UNC5C: variants seen among roughly 807,000 people sequenced by gnomAD.
UNC5C encodes netrin receptor UNC5C.
A neutral mutation model predicts 99.8 loss-of-function variants in UNC5C; 47 were observed. The ratio of observed to expected loss-of-function variants is 0.47; its 90% CI spans 0.37 to 0.60. The LOEUF (loss-of-function observed/expected upper bound fraction) is 0.60. Ranked by LOEUF, UNC5C falls within the 20% of genes least tolerant of loss-of-function variation. The probability of loss-of-function intolerance (pLI) is 0.00; values close to 1 mark genes in which losing one functional copy is unlikely to be tolerated. For synonymous variants in UNC5C, 487 were observed against 452.2 expected (o/e 1.08, Z -0.98); for missense variants, 1,062 against 1,165.9 (o/e 0.91, Z 1.30).
intron 1 of UNC5C, among the ~76,000 whole-genome samples, chr4:95,448,226 G>GAGAGAGAGAGAGAGAGAGAGAGAC: frequency 1.6e-5 from 2 of 124,964 alleles, no homozygotes; most frequent in African/African-American, 5.9e-5. Context: ...GTGTGTGTGT[G>GAGAGAGAGAGAGAGAGAGAGAGAC]TGAGAGAGAG....
At position 95,480,273 on chromosome 4, in the gene UNC5C, A is replaced by G. The variant is rs554504559; in HGVS notation, c.124+68461T>C. ...TGCATATATATTTATAATCATATAC[A>G]TATATGTGTTTGTGTGTGTATATAT... On this transcript the variant is annotated intron_variant, in intron 1 of 15. Transcript: ENST00000453304. Among the ~76,000 whole-genome samples, 127 of 148,872 alleles carry G rather than the reference A, an allele frequency of 8.5e-4. 2 individuals carry two copies. Among genetic ancestry groups the G allele is most frequent in the African/African-American group, 3.1e-3 (123 of 39,790 alleles).
At chr4:95,371,017 T>C (rs1744732196) in intron 1 of UNC5C, among the ~76,000 whole-genome samples, 1 of 152,188 alleles carries the variant, frequency 6.6e-6, no homozygotes, top group Non-Finnish European at 1.5e-5. Context: ...TTTAGGTTTA[T>C]TTATCTATTC....
rs191291895 is a variant in UNC5C, at chr4:95,234,315, G to A, written c.1108+8114C>T. Among the ~76,000 whole-genome samples, 583 of 151,516 alleles carry A rather than the reference G, an allele frequency of 3.8e-3. 1 individual carries two copies. The highest frequency in any genetic ancestry group is 6.7e-3 in the Non-Finnish European group (458 of 67,936). ...AACTGATATTTGTTATTAATGTTAA[G>A]TTTTTTTAGATCAGACATATATTTT... On this transcript the variant is annotated intron_variant, in intron 7 of 15. Transcript: ENST00000453304.
intron 2 of UNC5C, among the ~76,000 whole-genome samples, chr4:95,314,586 T>C (rs2149409782): frequency 6.6e-6 from 1 of 152,306 alleles, no homozygotes; most frequent in East Asian, 1.9e-4. Flanking sequence ...TTCTGACTAA[T>C]TTTGGACAGA....
At chr4:95,446,213 T>C (rs1207597584) in intron 1 of UNC5C, among the ~76,000 whole-genome samples, 3 of 151,592 alleles carry the variant, frequency 2.0e-5, no homozygotes, top group Non-Finnish European at 4.4e-5. Flanking sequence ...CATAGCAAGA[T>C]GTAGCCAGAG....
At chr4:95,250,028 G>A (rs75831158) in intron 5 of UNC5C, among the ~76,000 whole-genome samples, 10,075 of 152,254 alleles carry the variant, frequency 0.066, 432 homozygotes, top group Middle Eastern at 0.2. Context: ...TCTAGATCTT[G>A]GTGGTGCAGG....
rs925987104 is a variant in UNC5C at position 95,548,888 on chromosome 4, G to A, written c.-31C>T. 1 of 1,610,342 alleles carries A rather than the reference G, an allele frequency of 6.2e-7. No individual in the cohort carries two copies. Among genetic ancestry groups the A allele is most frequent in the Non-Finnish European group, 8.5e-7 (1 of 1,178,644 alleles). The stretch of plus-strand genomic sequence containing the variant: ...ACAGAGGTGTGCCGGGGGGAGGGGA[G>A]GGGGACAGAGAGACGCGCAAACAGC... On this transcript the variant is annotated 5_prime_UTR_variant, in exon 1 of 16. Coordinates refer to ENST00000453304, the MANE Select transcript of UNC5C (RefSeq NM_003728.4).
At chr4:95,537,733 CA>C (rs1045121800) in intron 1 of UNC5C, among the ~76,000 whole-genome samples, 2 of 152,144 alleles carry the variant, frequency 1.3e-5, no homozygotes, top group Admixed American at 6.5e-5. Flanking sequence ...ATACTACTTT[CA>C]AAAGGATTAT....
intron 2 of UNC5C, among the ~76,000 whole-genome samples, chr4:95,317,559 T>A (rs1742524195): frequency 6.6e-6 from 1 of 152,106 alleles, no homozygotes; most frequent in South Asian, 2.1e-4. Context: ...ATGAGAAACG[T>A]GGCAATGAGA....
intron 10 of UNC5C, among the ~76,000 whole-genome samples, chr4:95,211,866 G>A (rs1348389232): frequency 6.6e-6 from 1 of 152,014 alleles, no homozygotes; most frequent in Non-Finnish European, 1.5e-5. Context: ...AATGAACATT[G>A]TCAAGAACAG....
chr4:95,388,706 T>C (rs1745276508), intron 1 of UNC5C, among the ~76,000 whole-genome samples: 1 of 152,228 alleles, frequency 6.6e-6, no homozygotes, highest in African/African-American at 2.4e-5. Context: ...TATTATCATT[T>C]AATTCTCCAA....
chr4:95,466,600 T>G (rs1311412080), intron 1 of UNC5C, among the ~76,000 whole-genome samples: 2 of 152,026 alleles, frequency 1.3e-5, no homozygotes, highest in Non-Finnish European at 2.9e-5. Flanking sequence ...ATTAATTAAT[T>G]AATGCTATAG....
intron 7 of UNC5C, among the ~76,000 whole-genome samples, chr4:95,231,766 G>C (rs180688426): frequency 3.9e-5 from 6 of 152,234 alleles, no homozygotes; most frequent in Non-Finnish European, 2.9e-5. Context: ...GATGTCAAAG[G>C]TCAGGTCTGT....
In UNC5C at chr4:95,248,922, A is replaced by G. The variant is rs1191807317; in HGVS notation, c.775+1565T>C. ...TCCTCTGCCTTCCCATTCACTCACT[A>G]CTCCCTCATTGACTCACCCAGAGCA... is the stretch of plus-strand genomic sequence containing the variant. On this transcript the variant is annotated intron_variant, in intron 5 of 15. Coordinates refer to ENST00000453304, the MANE Select transcript of UNC5C (RefSeq NM_003728.4). Among the ~76,000 whole-genome samples, 3 of 151,276 alleles carry G rather than the reference A, an allele frequency of 2.0e-5. No individual in the cohort carries two copies. The East Asian group carries it at 5.8e-4, about 29-fold the overall frequency.
At chr4:95,358,706 C>G (rs569098494) in intron 1 of UNC5C, among the ~76,000 whole-genome samples, 110 of 152,162 alleles carry the variant, frequency 7.2e-4, no homozygotes, top group Non-Finnish European at 1.3e-3. Flanking sequence ...CTGGACAAGT[C>G]TTTGGTGAAA....
rs114096188 is a variant in UNC5C at position 95,249,527 on chromosome 4, G to A, written c.775+960C>T. Among the ~76,000 whole-genome samples the A allele has an allele frequency of 6.0e-3, 919 of 152,300 alleles. 12 individuals are homozygous for A. The highest frequency in any genetic ancestry group is 0.021 in the African/African-American group (872 of 41,560). On this transcript the variant is annotated intron_variant, in intron 5 of 15. Transcript: ENST00000453304. ...AACTATTAGAGGTCTAACATTGTGAGAAATATGTAAATATATAGACCAGTC... is the reference window on the plus strand; with the variant it reads ...AACTATTAGAGGTCTAACATTGTGAAAAATATGTAAATATATAGACCAGTC...
At position 95,503,232 on chromosome 4, in the gene UNC5C, CAT is replaced by C. The variant is rs1462734822; in HGVS notation, c.124+45500_124+45501del. Among the ~76,000 whole-genome samples the C allele has an allele frequency of 2.6e-5, 4 of 152,036 alleles. No individual in the cohort carries two copies. In the East Asian group the frequency reaches 7.7e-4, roughly 29 times the overall value. On this transcript the variant is annotated intron_variant, in intron 1 of 15. Transcript: ENST00000453304. ...AGAGGCCCCTTCTTGGTTTCTCTCT[CAT>C]GTCCTTTCTCACCCTCTCCCCTTTC...
intron 1 of UNC5C, among the ~76,000 whole-genome samples, chr4:95,460,836 T>A (rs1303990646): frequency 6.6e-6 from 1 of 152,180 alleles, no homozygotes; most frequent in Non-Finnish European, 1.5e-5. Flanking sequence ...ATCACATTCC[T>A]GGGTCCACCC....
intron 3 of UNC5C, among the ~76,000 whole-genome samples, chr4:95,285,332 A>G (rs1741195053): frequency 6.6e-6 from 1 of 152,210 alleles, no homozygotes; most frequent in South Asian, 2.1e-4. Flanking sequence ...TAAATCCTTA[A>G]ATTCCACAGA....
Sources: gnomAD v4.1 joint callset for allele counts (sites outside exome capture counted in the v4.1 genomes callset) on GRCh38, gnomAD v4.1.1 for gene constraint, MANE v1.5 for transcripts, NCBI Gene and HGNC (gene_info 2026-07-23, HGNC 2026-07-21) for gene names.